Variants in IMMP2L observed in about 807,000 individuals in gnomAD.
IMMP2L encodes the protein mitochondrial inner membrane protease subunit 2.
IMMP2L carries 18 observed loss-of-function variants against 19.3 expected under a neutral mutation model. The observed-to-expected ratio is 0.93, with a 90% CI of 0.64 to 1.38. The LOEUF is 1.38. IMMP2L is among the 40% of genes most tolerant of loss of function. The probability of loss-of-function intolerance (pLI) is 0.00; values close to 1 mark genes in which losing one functional copy is unlikely to be tolerated. For missense variants in IMMP2L, 233 were observed against 218.2 expected (o/e 1.07, Z -0.43); for synonymous variants, 76 against 73.0 (o/e 1.04, Z -0.21).
chr7:110,737,815 T>C (rs2130852196), intron 5 of IMMP2L, among the ~76,000 whole-genome samples: 1 of 152,298 alleles, frequency 6.6e-6, no homozygotes, highest in East Asian at 1.9e-4. Context: ...TCCATTCCCC[T>C]GCTAACTCCC....
chr7:111,128,458 C>A (rs938795220), intron 3 of IMMP2L, among the ~76,000 whole-genome samples: 2 of 152,092 alleles, frequency 1.3e-5, no homozygotes, highest in Non-Finnish European at 2.9e-5. Flanking sequence ...AAGCTTGCTT[C>A]AAATGTAATA....
At chr7:111,274,388 A>T (rs1345490372) in intron 3 of IMMP2L, among the ~76,000 whole-genome samples, 2 of 152,194 alleles carry the variant, frequency 1.3e-5, no homozygotes, top group African/African-American at 4.8e-5. Context: ...ACTTTACTTG[A>T]GCCTCTCTAA....
intron 3 of IMMP2L, among the ~76,000 whole-genome samples, chr7:111,422,969 A>G (rs1040204543): frequency 6.6e-6 from 1 of 151,772 alleles, no homozygotes; most frequent in African/African-American, 2.4e-5. Flanking sequence ...GCATCTATTG[A>G]GATAATCATG....
At chr7:110,834,288 C>T (rs1250167086) in intron 5 of IMMP2L, among the ~76,000 whole-genome samples, 1 of 152,090 alleles carries the variant, frequency 6.6e-6, no homozygotes, top group African/African-American at 2.4e-5. Context: ...ACCAGCACAG[C>T]AGCCTGTCAT....
chr7:111,186,964 CT>C (rs1405760866), intron 3 of IMMP2L, among the ~76,000 whole-genome samples: 3 of 151,796 alleles, frequency 2.0e-5, no homozygotes, highest in Non-Finnish European at 4.4e-5. Context: ...GTTTTAATAC[CT>C]TTTTGTCTCC....
intron 3 of IMMP2L, among the ~76,000 whole-genome samples, chr7:111,112,011 G>A (rs1036900211): frequency 1.9e-4 from 26 of 139,230 alleles, no homozygotes; most frequent in Admixed American, 7.5e-4. Flanking sequence ...GCAGTGGTGC[G>A]ATCTCGGCTC....
intron 3 of IMMP2L, among the ~76,000 whole-genome samples, chr7:111,473,520 T>A (rs1016026770): frequency 8.5e-5 from 13 of 152,186 alleles, no homozygotes; most frequent in African/African-American, 2.4e-4. Context: ...CACTGTTGAC[T>A]GTTCTTAGCA....
intron 5 of IMMP2L, among the ~76,000 whole-genome samples, chr7:110,747,757 T>C (rs1797451528): frequency 6.6e-6 from 1 of 152,146 alleles, no homozygotes; most frequent in African/African-American, 2.4e-5. Context: ...TTCAAAATAA[T>C]AAACACGATT....
chr7:110,970,235 A>C (rs1184512094), intron 3 of IMMP2L, among the ~76,000 whole-genome samples: 2 of 152,158 alleles, frequency 1.3e-5, no homozygotes, highest in Non-Finnish European at 2.9e-5. Context: ...TGAAAAACTT[A>C]AGGAATTTAG....
chr7:111,539,200 A>AGGAAGGAAGG (rs1404178837), intron 1 of IMMP2L, among the ~76,000 whole-genome samples: 397 of 18,164 alleles, frequency 0.022, 53 homozygotes, highest in Middle Eastern at 0.028. Context: ...AGGAGGGAGA[A>AGGAAGGAAGG]AGAAAGAAAG....
intron 3 of IMMP2L, among the ~76,000 whole-genome samples, chr7:111,336,030 A>T (rs563906042): frequency 2.6e-5 from 4 of 152,126 alleles, no homozygotes; most frequent in African/African-American, 9.6e-5. Context: ...AATGGTTTCA[A>T]GTATACTTAA....
chr7:111,173,817 T>C (rs1806726847), intron 3 of IMMP2L, among the ~76,000 whole-genome samples: 1 of 151,714 alleles, frequency 6.6e-6, no homozygotes, highest in Non-Finnish European at 1.5e-5. Context: ...AGATAAAATA[T>C]GAGGAAAGAA....
At chr7:111,282,181 T>C (rs557738661) in intron 3 of IMMP2L, among the ~76,000 whole-genome samples, 60 of 152,258 alleles carry the variant, frequency 3.9e-4, no homozygotes, top group African/African-American at 1.4e-3. Context: ...AAAAAAATTA[T>C]AGAAAGAAGC....
chr7:110,839,757 A>C (rs73196803), intron 5 of IMMP2L, among the ~76,000 whole-genome samples: 7,371 of 152,264 alleles, frequency 0.048, 220 homozygotes, highest in Middle Eastern at 0.12. Context: ...ATATCTATTC[A>C]TATTAATCAA....
rs1462889075 is a variant in IMMP2L at position 110,757,408 on chromosome 7, G to A, written c.409-93687C>T. On this transcript the variant is annotated intron_variant, in intron 5 of 5. Transcript: ENST00000405709. The surrounding 1 kb of genome is among the most constrained non-coding windows in gnomAD (Gnocchi z 4.2). Reference sequence around the variant, plus strand: ...CTCTGGTTGTAATTTTAAATACGGTGGGCGAGGGAGGCCTGTATGTGATGT... The same window carrying A: ...CTCTGGTTGTAATTTTAAATACGGTAGGCGAGGGAGGCCTGTATGTGATGT... Among the ~76,000 whole-genome samples, 2 of 152,068 alleles carry A rather than the reference G, an allele frequency of 1.3e-5. No individual in the cohort carries two copies. The highest frequency in any genetic ancestry group is 2.1e-4 in the South Asian group (1 of 4,832).
chr7:110,891,408 A>C (rs1417632979), intron 4 of IMMP2L, among the ~76,000 whole-genome samples: 1 of 152,220 alleles, frequency 6.6e-6, no homozygotes, highest in Non-Finnish European at 1.5e-5. Context: ...CAAAGTTAAG[A>C]ATCAACTTTA....
intron 3 of IMMP2L, among the ~76,000 whole-genome samples, chr7:111,027,512 T>C (rs1479853601): frequency 6.6e-6 from 1 of 151,902 alleles, no homozygotes; most frequent in Admixed American, 6.6e-5. Context: ...ACTAATTTTA[T>C]GTGAATGAAA....
chr7:111,197,569 TA>T (rs894579759), intron 3 of IMMP2L, among the ~76,000 whole-genome samples: 3 of 152,158 alleles, frequency 2.0e-5, no homozygotes, highest in African/African-American at 7.2e-5. Flanking sequence ...CATACGTCTT[TA>T]AAAAGGCAAT....
intron 3 of IMMP2L, among the ~76,000 whole-genome samples, chr7:111,003,331 G>A (rs563608524): frequency 5.3e-5 from 8 of 152,038 alleles, no homozygotes; most frequent in South Asian, 2.1e-4. Context: ...AAATTATAAA[G>A]CTATCTGTTT....
Sources: allele counts gnomAD v4.1 joint callset (sites outside exome capture counted in the v4.1 genomes callset), GRCh38; gene constraint gnomAD v4.1.1; non-coding constraint Gnocchi (gnomAD v3.1); transcripts MANE v1.5; gene names NCBI Gene and HGNC (gene_info 2026-07-23, HGNC 2026-07-21).